The following CCPG1 variants were observed in gnomAD, a reference collection of about 807,000 sequenced individuals.
CCPG1 encodes cell cycle progression protein 1.
Under a neutral mutation model 81.3 loss-of-function variants are expected in CCPG1, and 46 were observed. That is an observed-to-expected ratio of 0.57 (90% CI 0.45 to 0.72). The LOEUF is 0.72. CCPG1 is among the 30% of genes least tolerant of loss of function. The pLI is 0.00. For synonymous variants in CCPG1, 330 were observed against 305.2 expected, an observed-to-expected ratio of 1.08 and a Z score of -0.85; for missense variants, 902 against 937.6, an observed-to-expected ratio of 0.96 and a Z score of 0.50.
At chr15:55,388,125 C>G (rs2056841020) in intron 2 of CCPG1, among the ~76,000 whole-genome samples, 2 of 151,766 alleles carry the variant, frequency 1.3e-5, no homozygotes, top group South Asian at 4.2e-4. Context: ...TACAAGACAA[C>G]AAGAGCGACA....
At chr15:55,369,871 C>G (rs1188157554) in intron 6 of CCPG1, among the ~76,000 whole-genome samples, 1 of 152,132 alleles carries the variant, frequency 6.6e-6, no homozygotes, top group Non-Finnish European at 1.5e-5. Flanking sequence ...CTTTAAATCA[C>G]TATCCAATTT....
At chr15:55,371,656 T>C in intron 6 of CCPG1, 137 bp downstream of exon 6, 1 of 784,150 alleles carries the variant, frequency 1.3e-6, no homozygotes, top group Non-Finnish European at 2.0e-6. Flanking sequence ...ATGAGAAAAC[T>C]GAGGCTCAAA....
rs1185583845 is a variant in CCPG1 at position 55,357,048 on chromosome 15, C to T, written c.2235-639G>A. ...CTCCTGTCCTTAGCCTTCCCTACAA[C>T]CCCATGGATGTTGGTGTTCTCCCAG... On this transcript the variant is annotated intron_variant, in intron 8 of 8. Transcript: ENST00000442196. 3.0e-6 allele frequency: 3 copies of T among 985,378 alleles called. No individual in the cohort carries two copies. The African/African-American group carries it at 5.2e-5, about 17-fold the overall frequency. The allele number at this position is 985,378 out of a possible 1,614,324, so 61.0% of individuals were successfully genotyped here. A position where few individuals can be genotyped will look rare whatever the true frequency, so the allele number is the denominator to read the frequency against.
At chr15:55,405,200 A>G (rs2057195009) in intron 1 of CCPG1, among the ~76,000 whole-genome samples, 2 of 151,862 alleles carry the variant, frequency 1.3e-5, no homozygotes, top group Non-Finnish European at 2.9e-5. Flanking sequence ...TGTCTCTACT[A>G]AAAAATGCAA....
Position 55,363,073 on chromosome 15 carries a change from C to T in CCPG1, c.828+2115G>A, listed in dbSNP as rs527634793. On this transcript the variant is annotated intron_variant, in intron 7 of 8. Coordinates refer to ENST00000442196, the MANE Select transcript of CCPG1 (RefSeq NM_001204450.2). ...ACAAAAACAAAAAAAACAGGCCAGG[C>T]GCAGTGACTCACGCCTGTAATCCCA... is the stretch of plus-strand genomic sequence containing the variant. Among the ~76,000 whole-genome samples the T allele has an allele frequency of 3.3e-5, 5 of 150,918 alleles. No homozygotes were observed. The East Asian group carries it at 5.9e-4, about 18-fold the overall frequency.
intron 2 of CCPG1, among the ~76,000 whole-genome samples, chr15:55,388,287 A>T (rs2056844223): frequency 1.3e-5 from 2 of 152,226 alleles, no homozygotes; most frequent in South Asian, 4.1e-4. Context: ...TTATCAATAT[A>T]CTGCCATTTT....
chr15:55,369,111 C>CA (rs113577498), intron 6 of CCPG1, among the ~76,000 whole-genome samples: 27,237 of 146,326 alleles, frequency 0.19, 4,276 homozygotes, highest in African/African-American at 0.44. Context: ...GACTCTGTCT[C>CA]AAAAAAAAAT....
chr15:55,356,882 TG>T (rs1412350641), intron 8 of CCPG1: 6 of 985,874 alleles, frequency 6.1e-6, no homozygotes, highest in South Asian at 4.7e-5. Flanking sequence ...ACTACTTCAC[TG>T]GAAGTCCATA....
At chr15:55,390,164 C>T (rs1410408742) in intron 1 of CCPG1, among the ~76,000 whole-genome samples, 1 of 152,106 alleles carries the variant, frequency 6.6e-6, no homozygotes, top group Non-Finnish European at 1.5e-5. Context: ...CCTCGTGATC[C>T]GCCTGCCTCA....
At chr15:55,406,425 T>G (rs2057221545) in intron 1 of CCPG1, among the ~76,000 whole-genome samples, 1 of 149,862 alleles carries the variant, frequency 6.7e-6, no homozygotes, top group Non-Finnish European at 1.5e-5. Flanking sequence ...ATTTCTTTTC[T>G]TTCTTTTTCT....
At chr15:55,391,584 G>A (rs1415879004) in intron 1 of CCPG1, among the ~76,000 whole-genome samples, 1 of 152,152 alleles carries the variant, frequency 6.6e-6, no homozygotes, top group African/African-American at 2.4e-5. Context: ...TTTGCAGGGG[G>A]AAAGGAGAAT....
intron 1 of CCPG1, among the ~76,000 whole-genome samples, chr15:55,395,534 C>T (rs2056999895): frequency 6.6e-6 from 1 of 152,042 alleles, no homozygotes; most frequent in Admixed American, 6.6e-5. Context: ...CTTCTCAGTT[C>T]CCCTCAAAAT....
intron 7 of CCPG1, among the ~76,000 whole-genome samples, chr15:55,362,147 C>T (rs987579889): frequency 6.6e-6 from 1 of 152,036 alleles, no homozygotes; most frequent in Non-Finnish European, 1.5e-5. Flanking sequence ...CAAAATCTAA[C>T]CAAAAACAGT....
At chr15:55,401,478 C>T (rs1346381256) in intron 1 of CCPG1, among the ~76,000 whole-genome samples, 1 of 152,112 alleles carries the variant, frequency 6.6e-6, no homozygotes, top group Non-Finnish European at 1.5e-5. Context: ...ACTAGCCTGG[C>T]CAATATGGCG....
At position 55,368,016 on chromosome 15, in the gene CCPG1, TA is replaced by T. The variant is rs199822417; in HGVS notation, c.707-2708del. Among the ~76,000 whole-genome samples, 572 of 152,260 alleles carry T rather than the reference TA, an allele frequency of 3.8e-3. 8 individuals carry two copies. Among genetic ancestry groups the T allele is most frequent in the East Asian group, 0.034 (175 of 5,186 alleles). ...ACTCAATAAATCAAACTTTCCTATC[TA>T]GATTCCAAGACGTTTTACAATACAC... On this transcript the variant is annotated intron_variant, in intron 6 of 8. Coordinates refer to ENST00000442196, the MANE Select transcript of CCPG1 (RefSeq NM_001204450.2).
chr15:55,406,436 C>CTTTTTTTTTTTT (rs143238270), intron 1 of CCPG1, among the ~76,000 whole-genome samples: 125 of 126,256 alleles, frequency 9.9e-4, no homozygotes, highest in Middle Eastern at 4.7e-3. Flanking sequence ...TTCTTTTTCT[C>CTTTTTTTTTTTT]TTTTTTTTTT....
chr15:55,378,778 C>G (rs1488715379), intron 3 of CCPG1, among the ~76,000 whole-genome samples: 1 of 151,814 alleles, frequency 6.6e-6, no homozygotes, highest in Non-Finnish European at 1.5e-5. Context: ...TGTATTTCTA[C>G]TAGAGATAGG....
At chr15:55,407,800 G>C (rs1302347997) in intron 1 of CCPG1, 1 of 152,312 alleles carries the variant, frequency 6.6e-6, no homozygotes, top group African/African-American at 2.4e-5. Flanking sequence ...GTCATCAAAA[G>C]ACAGGCTGGC....
intron 3 of CCPG1, among the ~76,000 whole-genome samples, chr15:55,380,964 C>T (rs1449399845): frequency 6.6e-6 from 1 of 151,890 alleles, no homozygotes; most frequent in African/African-American, 2.4e-5. Context: ...AGTGAAACCC[C>T]GTCTCTACTA....
Sources: gnomAD v4.1 joint callset for allele counts (sites outside exome capture counted in the v4.1 genomes callset) on GRCh38, gnomAD v4.1.1 for gene constraint, MANE v1.5 for transcripts, NCBI Gene and HGNC (gene_info 2026-07-23, HGNC 2026-07-21) for gene names.